The following KPNA6 variants were observed in gnomAD, a reference collection of about 807,000 sequenced individuals.
KPNA6 encodes karyopherin subunit alpha 6.
A neutral mutation model predicts 72.0 loss-of-function variants in KPNA6; 9 were observed. That is an observed-to-expected ratio of 0.13 (90% CI 0.08 to 0.22). The LOEUF is 0.22. Among genes scored for constraint, KPNA6 ranks in the 10% least tolerant of loss-of-function variants. The pLI is 1.00. For synonymous variants in KPNA6, 219 were observed against 242.1 expected (o/e 0.90, Z 0.89); for missense variants, 374 against 655.7 (o/e 0.57, Z 4.69).
At chr1:32,155,703 ATTATTTAT>A (rs150358147) in intron 2 of KPNA6, among the ~76,000 whole-genome samples, 1,914 of 146,098 alleles carry the variant, frequency 0.013, 42 homozygotes, top group African/African-American at 0.042. Flanking sequence ...CCTGATTATT[ATTATTTAT>A]TTATTTATTT....
chr1:32,151,560 T>C (rs1271425430), intron 1 of KPNA6, among the ~76,000 whole-genome samples: 4 of 152,172 alleles, frequency 2.6e-5, no homozygotes, highest in Non-Finnish European at 5.9e-5. Context: ...GCCACCTCAG[T>C]CTCACTGAAG....
rs1382416153 is a variant in KPNA6 at position 32,130,239 on chromosome 1, T to A, written c.4+22105T>A. 6.6e-5 allele frequency among the ~76,000 whole-genome samples: 10 copies of A among 150,648 alleles called. No individual in the cohort carries two copies. In the East Asian group the frequency reaches 1.9e-3, roughly 29 times the overall value. ...AGATAAATATTTTTTTTTTTTTTTT[T>A]TTTTTTTACCATGGCCAGTGATTTT... On this transcript the variant is annotated intron_variant, in intron 1 of 13. Coordinates refer to ENST00000373625, the MANE Select transcript of KPNA6 (RefSeq NM_012316.5).
At chr1:32,145,206 A>C (rs1641909467) in intron 1 of KPNA6, among the ~76,000 whole-genome samples, 3 of 151,124 alleles carry the variant, frequency 2.0e-5, no homozygotes, top group Admixed American at 2.0e-4. Flanking sequence ...TGATCCACCC[A>C]CCTCGGCCTC....
intron 2 of KPNA6, among the ~76,000 whole-genome samples, chr1:32,155,963 C>T (rs1642135246): frequency 7.9e-6 from 1 of 126,026 alleles, no homozygotes; most frequent in East Asian, 2.5e-4. Flanking sequence ...TGCCATGTTG[C>T]CCAGGCTGGT....
intron 1 of KPNA6, among the ~76,000 whole-genome samples, chr1:32,122,722 G>A (rs148114294): frequency 0.037 from 5,560 of 152,142 alleles, 330 homozygotes; most frequent in African/African-American, 0.12. Context: ...TTGGGAGGCC[G>A]AGGCAGGCAA....
chr1:32,175,696 T>G lies in KPNA6; in HGVS notation c.*4802T>G, dbSNP rs1642513911. The G allele has an allele frequency of 6.8e-6, 1 of 146,172 alleles. No homozygotes were observed. Among genetic ancestry groups the G allele is most frequent in the Non-Finnish European group, 1.5e-5 (1 of 67,528 alleles). 9.1% of individuals were successfully genotyped at this position (146,172 alleles called of 1,614,324 possible). ...TACTTGGGAGGCTGAGACAGGAGAA[T>G]CACTTGAACCCAGGAGGCGGAGGTT... On this transcript the variant is annotated 3_prime_UTR_variant, in exon 14 of 14. Transcript: ENST00000373625.
In KPNA6 at chr1:32,171,571, A is replaced by G. The variant is rs1642437339; in HGVS notation, c.*677A>G. On this transcript the variant is annotated 3_prime_UTR_variant, in exon 14 of 14. Coordinates refer to ENST00000373625, the MANE Select transcript of KPNA6 (RefSeq NM_012316.5). The stretch of plus-strand genomic sequence containing the variant: ...CCTGGGACTAGAGGCTGGGGAGGCT[A>G]CCATGAAACAAAGGTCCCTCCCTCC... 2 of 152,198 alleles carry G rather than the reference A, an allele frequency of 1.3e-5. No individual in the cohort carries two copies. Among genetic ancestry groups the G allele is most frequent in the South Asian group, 4.1e-4 (2 of 4,832 alleles). 9.4% of individuals were successfully genotyped at this position (152,198 alleles called of 1,614,324 possible).
chr1:32,120,627 C>T (rs943755115), intron 1 of KPNA6, among the ~76,000 whole-genome samples: 1 of 149,096 alleles, frequency 6.7e-6, no homozygotes, highest in Non-Finnish European at 1.5e-5. Flanking sequence ...AGTGCAGTGG[C>T]GTGATCTCAG....
intron 1 of KPNA6, among the ~76,000 whole-genome samples, chr1:32,114,830 G>A (rs562161857): frequency 3.9e-5 from 6 of 152,254 alleles, no homozygotes; most frequent in Admixed American, 3.3e-4. Flanking sequence ...TTCTGCATCA[G>A]CACATGCTGC....
chr1:32,154,095 C>T (rs565472640), intron 1 of KPNA6, among the ~76,000 whole-genome samples: 1 of 151,816 alleles, frequency 6.6e-6, no homozygotes, highest in African/African-American at 2.4e-5. Flanking sequence ...TGCAGTGAGT[C>T]GATACCGTGC....
intron 1 of KPNA6, among the ~76,000 whole-genome samples, chr1:32,119,032 A>ATTTTTTTTTTTTTTTT (rs71006332): frequency 2.5e-5 from 1 of 40,274 alleles, no homozygotes; most frequent in African/African-American, 1.0e-4. Flanking sequence ...ATATATATAT[A>ATTTTTTTTTTTTTTTT]TTTTTTTTTT....
intron 1 of KPNA6, among the ~76,000 whole-genome samples, chr1:32,123,361 ACT>A (rs1354569082): frequency 4.6e-5 from 7 of 151,820 alleles, no homozygotes; most frequent in Non-Finnish European, 7.4e-5. Context: ...ACTGAGATAA[ACT>A]CTGTATCTTT....
At chr1:32,147,525 T>C (rs1158472692) in intron 1 of KPNA6, among the ~76,000 whole-genome samples, 1 of 152,064 alleles carries the variant, frequency 6.6e-6, no homozygotes, top group Non-Finnish European at 1.5e-5. Context: ...CTTGAACTCC[T>C]GGGCTCAAGT....
Position 32,156,862 on chromosome 1 carries a change from C to T in KPNA6, c.148C>T (p.Arg50Trp), listed in dbSNP as rs1642153356. The change falls in exon 3 of 14, where the codon CGG becomes TGG. Residue 50 changes from arginine (R) to tryptophan (W), a missense_variant. Arg to Trp is a moderately radical substitution (Grantham distance 101). Transcript: ENST00000373625. ...GTCTCTTTACTTTCAGCTTTTTAAA[C>T]GGAGAAATGTGGAGCTGATTAATGA... ...KQKREQQLFK[R>W]RNVELINEEA... is the part of the protein sequence containing the mutation. The T allele has an allele frequency of 6.2e-7, 1 of 1,613,306 alleles. No individual in the cohort carries two copies. The highest frequency in any genetic ancestry group is 8.5e-7 in the Non-Finnish European group (1 of 1,179,392).
intron 1 of KPNA6, among the ~76,000 whole-genome samples, chr1:32,116,913 G>A (rs981905395): frequency 6.6e-6 from 1 of 152,086 alleles, no homozygotes; most frequent in South Asian, 2.1e-4. Context: ...CTTGTTGGTG[G>A]AGCAGTCAGA....
intron 1 of KPNA6, among the ~76,000 whole-genome samples, chr1:32,120,284 G>A (rs528637047): frequency 1.8e-3 from 270 of 146,026 alleles, no homozygotes; most frequent in African/African-American, 6.7e-3. Flanking sequence ...TCGCTCTGCC[G>A]CACAGGCTGG....
At chr1:32,156,793 A>T in intron 2 of KPNA6, 60 bp from the exon 3 acceptor site, 1 of 1,284,270 alleles carries the variant, frequency 7.8e-7, no homozygotes, top group African/African-American at 1.5e-5. Flanking sequence ...TTAACATTGG[A>T]TTGTTCTTTG....
chr1:32,115,846 C>T (rs1157746283), intron 1 of KPNA6, among the ~76,000 whole-genome samples: 3 of 152,242 alleles, frequency 2.0e-5, no homozygotes, highest in East Asian at 1.9e-4. Flanking sequence ...CAGATTCAAG[C>T]GATTCTCCTG....
chr1:32,156,787 C>A, intron 2 of KPNA6, 66 bp from the exon 3 acceptor site: 2 of 1,227,678 alleles, frequency 1.6e-6, no homozygotes, highest in African/African-American at 1.5e-5. Context: ...CATAATTTAA[C>A]ATTGGATTGT....
Sources: allele counts gnomAD v4.1 joint callset (sites outside exome capture counted in the v4.1 genomes callset), GRCh38; gene constraint gnomAD v4.1.1; transcripts MANE v1.5; gene names NCBI Gene and HGNC (gene_info 2026-07-23, HGNC 2026-07-21).